The following TBC1D9 variants were observed in gnomAD, a reference collection of about 807,000 sequenced individuals.
TBC1D9 encodes the protein TBC1 domain family member 9A.
In TBC1D9, 63 loss-of-function variants were observed where a neutral mutation model predicts 132.0. The observed-to-expected ratio is 0.48, with a 90% CI of 0.39 to 0.59. The LOEUF is 0.59. Among genes scored for constraint, TBC1D9 ranks in the 20% least tolerant of loss-of-function variants. TBC1D9 has a pLI of 0.00. For synonymous variants in TBC1D9, 610 were observed against 609.9 expected, an observed-to-expected ratio of 1.00 and a Z score of 0.00; for missense variants, 1,261 against 1,592.7, an observed-to-expected ratio of 0.79 and a Z score of 3.54.
intron 1 of TBC1D9, among the ~76,000 whole-genome samples, chr4:140,741,190 C>A (rs1308711758): frequency 6.6e-6 from 1 of 152,088 alleles, no homozygotes; most frequent in Non-Finnish European, 1.5e-5. Context: ...AAGAAGATAC[C>A]AAACTCCAAC....
At chr4:140,642,809 T>G in intron 13 of TBC1D9, 1 of 617,588 alleles carries the variant, frequency 1.6e-6, no homozygotes, top group Non-Finnish European at 2.9e-6. Context: ...GTTGCAGTTC[T>G]TCCCCCTCTT....
rs368592836 is a variant in TBC1D9 at position 140,669,008 on chromosome 4, C to T, written c.1497G>A (p.Gly499=). The change falls in exon 9 of 21, where the codon GGG becomes GGA. Residue 499 remains glycine (G), a synonymous_variant. Transcript: ENST00000442267. ...WKIHFAEYGQ[G]ICMYRTEKTR... ...TTTTCTCTGTGCGGTACATGCAGAT[C>T]CCTTGCCCATACTCAGCAAAGTGAA... The T allele has an allele frequency of 1.4e-4, 230 of 1,614,002 alleles. No homozygotes were observed. The highest frequency in any genetic ancestry group is 1.1e-3 in the African/African-American group (81 of 75,050).
chr4:140,744,180 C>T (rs551288796), intron 1 of TBC1D9, among the ~76,000 whole-genome samples: 33 of 152,144 alleles, frequency 2.2e-4, no homozygotes, highest in African/African-American at 7.9e-4. Context: ...GGTCATGTTT[C>T]CTGTCAGCAG....
At chr4:140,709,710 G>A (rs1738209240) in intron 1 of TBC1D9, among the ~76,000 whole-genome samples, 1 of 152,102 alleles carries the variant, frequency 6.6e-6, no homozygotes, top group African/African-American at 2.4e-5. Context: ...ATTTTTCCAT[G>A]GACCAGAGTT....
intron 3 of TBC1D9, among the ~76,000 whole-genome samples, chr4:140,683,860 A>C (rs927690371): frequency 4.6e-5 from 7 of 152,248 alleles, no homozygotes; most frequent in African/African-American, 1.7e-4. Context: ...AATCTATCCC[A>C]AAGGGGGAAA....
intron 1 of TBC1D9, chr4:140,712,231 T>C (rs935147679): frequency 6.7e-5 from 10 of 148,394 alleles, no homozygotes; most frequent in Admixed American, 2.9e-4. Context: ...AAATTTTTTT[T>C]TGAAGTTCAT....
At chr4:140,741,124 C>T (rs72720336) in intron 1 of TBC1D9, among the ~76,000 whole-genome samples, 6,874 of 152,080 alleles carry the variant, frequency 0.045, 208 homozygotes, top group South Asian at 0.087. Context: ...GAAAAACTGA[C>T]CAGTATTAAC....
chr4:140,681,506 T>G (rs1737702372), intron 3 of TBC1D9, among the ~76,000 whole-genome samples: 1 of 152,192 alleles, frequency 6.6e-6, no homozygotes, highest in Non-Finnish European at 1.5e-5. Flanking sequence ...AAAGTAAGCA[T>G]GTAGACAATA....
intron 1 of TBC1D9, among the ~76,000 whole-genome samples, chr4:140,734,463 T>A (rs371403734): frequency 6.6e-6 from 1 of 152,164 alleles, no homozygotes; most frequent in African/African-American, 2.4e-5. Flanking sequence ...GAAAACTACA[T>A]TGAGGAACAC....
intron 9 of TBC1D9, among the ~76,000 whole-genome samples, chr4:140,667,710 C>T (rs528784099): frequency 6.6e-6 from 1 of 151,590 alleles, no homozygotes; most frequent in Admixed American, 6.6e-5. Flanking sequence ...CCACCCTGGG[C>T]AACACAGCAA....
At chr4:140,643,984 C>T (rs1449181461) in intron 13 of TBC1D9, 31 of 556,572 alleles carry the variant, frequency 5.6e-5, no homozygotes. Context: ...GGCTCTTCCT[C>T]CGGGTCCTCC....
chr4:140,715,661 C>T (rs1389761187), intron 1 of TBC1D9: 1 of 152,214 alleles, frequency 6.6e-6, no homozygotes, highest in Non-Finnish European at 1.5e-5. Context: ...ATAGTGGCTA[C>T]AGACTGTAAT....
intron 1 of TBC1D9, among the ~76,000 whole-genome samples, chr4:140,747,016 A>AT (rs1253591856): frequency 6.6e-5 from 10 of 150,650 alleles, no homozygotes; most frequent in African/African-American, 2.5e-4. Flanking sequence ...AATAAAAATA[A>AT]AAAATAAATA....
intron 7 of TBC1D9, 37 bp downstream of exon 7, chr4:140,670,683 G>A: frequency 6.3e-7 from 1 of 1,591,452 alleles, no homozygotes; most frequent in Non-Finnish European, 8.6e-7. Context: ...ACAGGAACAG[G>A]ATAAACCAAA....
At chr4:140,628,067 C>G (rs1467326575) in intron 17 of TBC1D9, among the ~76,000 whole-genome samples, 3 of 152,160 alleles carry the variant, frequency 2.0e-5, no homozygotes, top group Admixed American at 6.5e-5. Flanking sequence ...TTTGCAGATG[C>G]CTGCCTGCTC....
intron 15 of TBC1D9, among the ~76,000 whole-genome samples, chr4:140,637,720 C>T: frequency 6.6e-6 from 1 of 152,174 alleles, no homozygotes; most frequent in East Asian, 1.9e-4. Flanking sequence ...CATGAGCTGG[C>T]ACACCACAGA....
At chr4:140,624,042 T>C (rs1736666936) in intron 20 of TBC1D9, 74 bp downstream of exon 20, 1 of 1,236,252 alleles carries the variant, frequency 8.1e-7, no homozygotes, top group African/African-American at 1.5e-5. Flanking sequence ...AGTCTACATT[T>C]ATCGATGACT....
At chr4:140,750,500 A>G (rs570135822) in intron 1 of TBC1D9, among the ~76,000 whole-genome samples, 3 of 152,236 alleles carry the variant, frequency 2.0e-5, no homozygotes, top group African/African-American at 7.2e-5. Context: ...CCCAGTAAAA[A>G]AGAAACAGAA....
chr4:140,644,792 C>T (rs919940254), intron 13 of TBC1D9: 10 of 403,882 alleles, frequency 2.5e-5, no homozygotes, highest in South Asian at 8.0e-5. Flanking sequence ...AGGGGCAGCA[C>T]GGTGGCCCGC....
Sources: gnomAD v4.1 joint callset for allele counts (sites outside exome capture counted in the v4.1 genomes callset) on GRCh38, gnomAD v4.1.1 for gene constraint, MANE v1.5 for transcripts, NCBI Gene and HGNC (gene_info 2026-07-23, HGNC 2026-07-21) for gene names.